Variants in TMEM87A observed in about 807,000 individuals in gnomAD.
The protein encoded by TMEM87A is Golgi-pH regulating cation channel.
A neutral mutation model predicts 90.0 loss-of-function variants in TMEM87A; 50 were observed. The observed-to-expected ratio is 0.56, with a 90% CI of 0.44 to 0.70. TMEM87A has a LOEUF of 0.70. Among genes scored for constraint, TMEM87A ranks in the 30% least tolerant of loss-of-function variants. The pLI, the probability that TMEM87A is intolerant of heterozygous loss-of-function variation, is 0.00. For synonymous variants in TMEM87A, 226 were observed against 226.7 expected (o/e 1.00, Z 0.03); for missense variants, 577 against 660.5 (o/e 0.87, Z 1.39).
At chr15:42,248,645 G>C (rs1359936282) in intron 6 of TMEM87A, among the ~76,000 whole-genome samples, 3 of 152,272 alleles carry the variant, frequency 2.0e-5, no homozygotes, top group African/African-American at 4.8e-5. Context: ...ACTTGATCTT[G>C]GTGGACATGC....
At chr15:42,219,919 T>A (rs924178221) in intron 16 of TMEM87A, 143 bp downstream of exon 16, 1 of 773,316 alleles carries the variant, frequency 1.3e-6, no homozygotes, top group African/African-American at 1.8e-5. Flanking sequence ...CATGCCTTCA[T>A]CTTAAGATTC....
intron 6 of TMEM87A, among the ~76,000 whole-genome samples, chr15:42,259,588 C>T (rs2051251004): frequency 6.6e-6 from 1 of 152,156 alleles, no homozygotes; most frequent in Non-Finnish European, 1.5e-5. Context: ...GTGACCTTAC[C>T]AACTGAGGCT....
At chr15:42,240,973 C>A (rs1422414866) in intron 7 of TMEM87A, among the ~76,000 whole-genome samples, 1 of 152,198 alleles carries the variant, frequency 6.6e-6, no homozygotes, top group Non-Finnish European at 1.5e-5. Context: ...AGCACATGGG[C>A]CAAATCTGGC....
At chr15:42,264,822 A>C (rs560157664) in intron 3 of TMEM87A, among the ~76,000 whole-genome samples, 1 of 151,886 alleles carries the variant, frequency 6.6e-6, no homozygotes, top group Non-Finnish European at 1.5e-5. Flanking sequence ...CCTAGTACTC[A>C]AGAGTTATTT....
At chr15:42,272,676 C>A in intron 1 of TMEM87A, 1 of 316,280 alleles carries the variant, frequency 3.2e-6, no homozygotes, top group African/African-American at 2.2e-5. Context: ...CTAGCCTTAC[C>A]ACATTAAATT....
chr15:42,212,348 G>A (rs776919402), intron 19 of TMEM87A, among the ~76,000 whole-genome samples: 8 of 151,816 alleles, frequency 5.3e-5, no homozygotes, highest in Non-Finnish European at 1.2e-4. Flanking sequence ...CTTCATTTGC[G>A]AAGTACCTCT....
intron 11 of TMEM87A, 117 bp from the exon 12 acceptor site, chr15:42,231,377 A>G (rs1299999219): frequency 4.2e-6 from 3 of 716,808 alleles, no homozygotes; most frequent in African/African-American, 3.8e-5. Context: ...TTGAACTGAA[A>G]GAAAATAAAA....
rs1210903478 is a variant in TMEM87A, at chr15:42,233,225, G to A, written c.1050C>T (p.Leu350=). The A allele has an allele frequency of 5.6e-6, 9 of 1,613,528 alleles. No homozygotes were observed. The highest frequency in any genetic ancestry group is 1.3e-5 in the African/African-American group (1 of 74,848). The change falls in exon 11 of 20, where the codon CTC becomes CTT. Residue 350 remains leucine, a synonymous_variant. Coordinates refer to ENST00000389834, the MANE Select transcript of TMEM87A (RefSeq NM_015497.5). ...YLLFSGMEGV[L]RVTGAQTDLA... is the part of the protein sequence containing the mutation. ...AAGCAGTACTAACCCCAGTAACTCT[G>A]AGGACCCCTTCCATGCCAGAGAACA...
chr15:42,229,132 A>G (rs949210773), intron 12 of TMEM87A, among the ~76,000 whole-genome samples: 1 of 152,038 alleles, frequency 6.6e-6, no homozygotes, highest in Non-Finnish European at 1.5e-5. Flanking sequence ...CCTCCCAAGC[A>G]GCTGGGACTA....
intron 11 of TMEM87A, among the ~76,000 whole-genome samples, chr15:42,232,067 T>C (rs1259585213): frequency 2.0e-5 from 3 of 152,226 alleles, no homozygotes; most frequent in Admixed American, 1.3e-4. Context: ...TTGCAAAACA[T>C]ATTGAGCCGT....
intron 6 of TMEM87A, among the ~76,000 whole-genome samples, chr15:42,255,936 A>ATTTTTTT (rs10632070): frequency 7.1e-6 from 1 of 140,550 alleles, no homozygotes; most frequent in Non-Finnish European, 1.5e-5. Context: ...CACCCAGCTA[A>ATTTTTTT]TTTTTTTTTT....
rs1334997189 is a variant in TMEM87A at position 42,273,288 on chromosome 15, G to C, written c.111C>G (p.Ala37=). Residue 37 remains alanine (A), a synonymous_variant, in exon 1 of 20, where the codon GCC becomes GCG. Transcript: ENST00000389834. ...TCGGAATGTGCCATTTGGACCGGTC[G>C]GCAGCAGCTACGGTTGCCGGTCCCG... ...FSAGPATVAA[A]DRSKWHIPIP... is the part of the protein sequence containing the mutation. 1.9e-6 allele frequency: 3 copies of C among 1,614,132 alleles called. No homozygotes were observed. In the Admixed American group the frequency reaches 5.0e-5, roughly 27 times the overall value.
intron 12 of TMEM87A, among the ~76,000 whole-genome samples, chr15:42,229,567 T>C (rs2050652243): frequency 3.3e-5 from 5 of 151,892 alleles, no homozygotes; most frequent in African/African-American, 7.3e-5. Flanking sequence ...CAAATCTAGT[T>C]GAGGGTCATA....
At chr15:42,261,529 C>T (rs1222576483) in intron 4 of TMEM87A, among the ~76,000 whole-genome samples, 1 of 152,028 alleles carries the variant, frequency 6.6e-6, no homozygotes, top group Non-Finnish European at 1.5e-5. Flanking sequence ...AGGATGTATG[C>T]TTAGGATAGA....
chr15:42,218,578 C>G lies in TMEM87A; in HGVS notation c.1540-200G>C, dbSNP rs148489468. On this transcript the variant is annotated intron_variant, in intron 17 of 19. Transcript: ENST00000389834. ...TTTGACCAACATCTCCCCAGTTCTC[C>G]CATAGCCCCTGGTAACCAGCACTCA... Among the ~76,000 whole-genome samples the G allele has an allele frequency of 1.1e-3, 173 of 152,266 alleles. 4 individuals are homozygous for G. In the East Asian group the frequency reaches 0.03, roughly 26 times the overall value.
intron 19 of TMEM87A, among the ~76,000 whole-genome samples, chr15:42,215,418 G>A (rs756125411): frequency 7.9e-5 from 12 of 152,132 alleles, no homozygotes; most frequent in East Asian, 1.9e-4. Flanking sequence ...GGAGAATGGC[G>A]TGAACCCGGA....
At chr15:42,253,473 C>T (rs968124673) in intron 6 of TMEM87A, among the ~76,000 whole-genome samples, 1 of 152,154 alleles carries the variant, frequency 6.6e-6, no homozygotes, top group Non-Finnish European at 1.5e-5. Context: ...CAGGAAGCCA[C>T]TCCAGCCCTG....
intron 6 of TMEM87A, among the ~76,000 whole-genome samples, chr15:42,257,125 G>A (rs1039708538): frequency 3.3e-5 from 5 of 152,124 alleles, no homozygotes; most frequent in Non-Finnish European, 7.4e-5. Flanking sequence ...TGTGAGGAAA[G>A]ATGGAAACTC....
intron 15 of TMEM87A, among the ~76,000 whole-genome samples, chr15:42,221,271 CAGAGAGAG>C (rs1208211599): frequency 8.0e-5 from 9 of 111,896 alleles, no homozygotes; most frequent in African/African-American, 2.1e-4. Flanking sequence ...GAGACAGAGA[CAGAGAGAG>C]AGAGAGAGAG....
Sources: allele counts gnomAD v4.1 joint callset (sites outside exome capture counted in the v4.1 genomes callset), GRCh38; gene constraint gnomAD v4.1.1; transcripts MANE v1.5; gene names NCBI Gene and HGNC (gene_info 2026-07-23, HGNC 2026-07-21).